The following EIF2B3 variants were observed in gnomAD, a reference collection of about 807,000 sequenced individuals.
The protein encoded by EIF2B3 is eukaryotic translation initiation factor 2B subunit gamma, also known as translation initiation factor eIF2B subunit gamma.
A neutral mutation model predicts 54.1 loss-of-function variants in EIF2B3; 20 were observed. That is an observed-to-expected ratio of 0.37 (90% CI 0.26 to 0.54). The LOEUF is 0.54. Among genes scored for constraint, EIF2B3 ranks in the 20% least tolerant of loss-of-function variants. EIF2B3 has a pLI of 0.86. For synonymous variants in EIF2B3, 153 were observed against 188.1 expected (o/e 0.81, Z 1.52); for missense variants, 448 against 547.8 (o/e 0.82, Z 1.82).
intron 3 of EIF2B3, among the ~76,000 whole-genome samples, chr1:44,975,392 T>A (rs1160425463): frequency 1.3e-5 from 2 of 151,636 alleles, no homozygotes; most frequent in African/African-American, 2.4e-5. Context: ...TCATAGAATG[T>A]ACTTACTCAA....
intron 1 of EIF2B3, 72 bp downstream of exon 1, chr1:44,986,421 C>G (rs1462797530): frequency 1.3e-5 from 2 of 152,440 alleles, no homozygotes; most frequent in Admixed American, 6.5e-5. Flanking sequence ...CTCTCCTACC[C>G]CTTCGGGTCC....
At chr1:44,859,550 C>T (rs1391255744) in intron 10 of EIF2B3, among the ~76,000 whole-genome samples, 3 of 151,724 alleles carry the variant, frequency 2.0e-5, no homozygotes, top group Non-Finnish European at 4.4e-5. Flanking sequence ...CCCAGCTACT[C>T]AGCAGGCTGA....
chr1:44,878,543 G>A (rs11211051), intron 8 of EIF2B3, among the ~76,000 whole-genome samples: 27,421 of 151,920 alleles, frequency 0.18, 2,719 homozygotes, highest in Admixed American at 0.28. Context: ...GATTACAGGC[G>A]TGAGCCACTG....
chr1:44,959,005 T>C lies in EIF2B3; in HGVS notation c.295-17340A>G. ...GAAGTCACCTCCATGAAGAAAGTGC[T>C]AGAAGAATACAAGAAAAAGTTCAGT... is the stretch of plus-strand genomic sequence containing the variant. On this transcript the variant is annotated intron_variant, in intron 3 of 11. Coordinates refer to ENST00000360403, the MANE Select transcript of EIF2B3 (RefSeq NM_020365.5). The C allele has an allele frequency of 4.1e-6, 3 of 739,732 alleles. No individual in the cohort carries two copies. In the South Asian group the frequency reaches 4.4e-5, roughly 11 times the overall value. 45.8% of individuals were successfully genotyped at this position (739,732 alleles called of 1,614,324 possible).
intron 8 of EIF2B3, among the ~76,000 whole-genome samples, chr1:44,876,314 G>C (rs1487110314): frequency 2.0e-5 from 3 of 148,628 alleles, no homozygotes; most frequent in Admixed American, 6.7e-5. Flanking sequence ...GTCTCTGCCC[G>C]GCCGCCCATA....
intron 10 of EIF2B3, among the ~76,000 whole-genome samples, chr1:44,874,138 T>C (rs1655048770): frequency 6.6e-6 from 1 of 152,228 alleles, no homozygotes. Context: ...GGATTAGGGA[T>C]ATTCAACTTG....
intron 9 of EIF2B3, 78 bp downstream of exon 9, chr1:44,875,540 T>C (rs1655092807): frequency 6.4e-6 from 9 of 1,406,442 alleles, no homozygotes; most frequent in Non-Finnish European, 9.1e-6. Flanking sequence ...CTTAAAGGCC[T>C]CAATCCGGCT....
At chr1:44,915,886 C>G (rs1013925279) in intron 5 of EIF2B3, among the ~76,000 whole-genome samples, 7 of 151,982 alleles carry the variant, frequency 4.6e-5, no homozygotes, top group Non-Finnish European at 8.8e-5. Context: ...GATACTATTT[C>G]TTAGAAGATC....
At chr1:44,900,218 G>A (rs1643252520) in intron 5 of EIF2B3, among the ~76,000 whole-genome samples, 1 of 152,124 alleles carries the variant, frequency 6.6e-6, no homozygotes, top group Admixed American at 6.6e-5. Flanking sequence ...AAGCCAAGGT[G>A]GGTGGATCAC....
At chr1:44,977,404 A>T (rs758184698) in intron 3 of EIF2B3, among the ~76,000 whole-genome samples, 1 of 152,012 alleles carries the variant, frequency 6.6e-6, no homozygotes, top group African/African-American at 2.4e-5. Flanking sequence ...TGATTTATAC[A>T]TTAACATTGC....
intron 7 of EIF2B3, among the ~76,000 whole-genome samples, chr1:44,880,520 A>G (rs1557668243): frequency 2.0e-5 from 3 of 152,312 alleles, no homozygotes; most frequent in Middle Eastern, 3.4e-3. Context: ...CTCTATTACC[A>G]TATCTGGTAG....
rs866662811 is a variant in EIF2B3, at chr1:44,921,933, G to T, written c.566+4695C>A. Among the ~76,000 whole-genome samples the T allele has an allele frequency of 4.4e-4, 64 of 143,964 alleles. No individual in the cohort carries two copies. The Middle Eastern group carries it at 0.014, about 32-fold the overall frequency. The allele number at this position is 143,964 out of a possible 152,430, so 94.4% of individuals were successfully genotyped here. A position where few individuals can be genotyped will look rare whatever the true frequency, so the allele number is the denominator to read the frequency against. ...TATTTTATTTTATTTATTTTTTTTT[G>T]AGATGGAGTCTTGCTCTGTCACCCA... On this transcript the variant is annotated intron_variant, in intron 5 of 11. Transcript: ENST00000360403.
At chr1:44,883,351 C>T (rs1195784454) in intron 6 of EIF2B3, among the ~76,000 whole-genome samples, 1 of 152,150 alleles carries the variant, frequency 6.6e-6, no homozygotes, top group African/African-American at 2.4e-5. Context: ...GGCCTGAATT[C>T]TCATGATTAC....
intron 3 of EIF2B3, among the ~76,000 whole-genome samples, chr1:44,977,997 TG>T (rs1644470012): frequency 6.6e-6 from 1 of 152,110 alleles, no homozygotes; most frequent in African/African-American, 2.4e-5. Flanking sequence ...CCCAGCACTT[TG>T]GAAGGCCGAG....
chr1:44,897,671 G>T (rs181134744), intron 5 of EIF2B3, among the ~76,000 whole-genome samples: 3 of 151,494 alleles, frequency 2.0e-5, no homozygotes, highest in African/African-American at 7.3e-5. Flanking sequence ...AGGCTTTTAC[G>T]ATTCTAAAGA....
intron 3 of EIF2B3, chr1:44,958,466 TG>T: frequency 1.4e-6 from 1 of 710,522 alleles, no homozygotes; most frequent in Non-Finnish European, 2.3e-6. Context: ...TGGACCTCTT[TG>T]GTGCTGTAAA....
chr1:44,917,888 C>T (rs1464628846), intron 5 of EIF2B3, among the ~76,000 whole-genome samples: 2 of 147,908 alleles, frequency 1.4e-5, no homozygotes, highest in African/African-American at 4.9e-5. Context: ...ATTCTCCTGC[C>T]TCAGCATCCT....
At chr1:44,896,794 A>G (rs1372805468) in intron 6 of EIF2B3, among the ~76,000 whole-genome samples, 1 of 152,200 alleles carries the variant, frequency 6.6e-6, no homozygotes, top group East Asian at 1.9e-4. Flanking sequence ...CAATCTCTGG[A>G]AACTATTTAA....
chr1:44,928,500 GT>G (rs113385864), intron 4 of EIF2B3, among the ~76,000 whole-genome samples: 21,933 of 139,042 alleles, frequency 0.16, 1,720 homozygotes, highest in Non-Finnish European at 0.18. Flanking sequence ...AGGGCGCTTC[GT>G]TTTTTTTTTT....
Sources: allele counts gnomAD v4.1 joint callset (sites outside exome capture counted in the v4.1 genomes callset), GRCh38; gene constraint gnomAD v4.1.1; transcripts MANE v1.5; gene names NCBI Gene and HGNC (gene_info 2026-07-23, HGNC 2026-07-21).